Variants in ACBD3 observed in about 807,000 individuals in gnomAD.
The protein encoded by ACBD3 is acyl-CoA binding domain containing 3, also known as Golgi resident protein GCP60.
In ACBD3, 30 loss-of-function variants were observed where a neutral mutation model predicts 66.9. The observed-to-expected ratio is 0.45, with a 90% confidence interval of 0.34 to 0.61. ACBD3 has a LOEUF of 0.61. Among genes scored for constraint, ACBD3 ranks in the 20% least tolerant of loss-of-function variants. ACBD3 has a pLI of 0.02. For synonymous variants in ACBD3, 278 were observed against 259.8 expected (o/e 1.07, Z -0.68); for missense variants, 544 against 664.5 (o/e 0.82, Z 1.99).
chr1:226,176,703 T>A (rs528305044), intron 1 of ACBD3, among the ~76,000 whole-genome samples: 2 of 151,686 alleles, frequency 1.3e-5, no homozygotes, highest in East Asian at 3.9e-4. Context: ...GAAATTATTA[T>A]CATAAAAACT....
chr1:226,166,697 G>A (rs1352767972), intron 1 of ACBD3, among the ~76,000 whole-genome samples: 1 of 152,046 alleles, frequency 6.6e-6, no homozygotes, highest in Non-Finnish European at 1.5e-5. Flanking sequence ...ATGTTGCCCA[G>A]GCTGGTCTCG....
At chr1:226,169,270 CAG>C (rs1362604476) in intron 1 of ACBD3, among the ~76,000 whole-genome samples, 4 of 151,524 alleles carry the variant, frequency 2.6e-5, no homozygotes, top group African/African-American at 7.3e-5. Flanking sequence ...TTTCTCGAGA[CAG>C]AGTCTCGCTC....
chr1:226,178,773 A>G (rs1010613332), intron 1 of ACBD3, among the ~76,000 whole-genome samples: 10 of 152,142 alleles, frequency 6.6e-5, no homozygotes, highest in Non-Finnish European at 1.5e-4. Context: ...ATTGAATTGC[A>G]AACTAAATCT....
At chr1:226,160,041 C>G (rs1659742539) in intron 4 of ACBD3, among the ~76,000 whole-genome samples, 1 of 151,592 alleles carries the variant, frequency 6.6e-6, no homozygotes, top group Non-Finnish European at 1.5e-5. Context: ...AATATCTTGG[C>G]ATGCTTAGTT....
chr1:226,172,859 G>A (rs1477382589), intron 1 of ACBD3, among the ~76,000 whole-genome samples: 1 of 152,180 alleles, frequency 6.6e-6, no homozygotes, highest in Non-Finnish European at 1.5e-5. Flanking sequence ...GGCTTCTCTG[G>A]AGGCTCAGGA....
In ACBD3 at chr1:226,154,733, T is replaced by C. The variant is rs1373058321; in HGVS notation, c.1004A>G (p.Asn335Ser). The change falls in exon 6 of 8, where the codon AAT becomes AGT. Residue 335 changes from asparagine to serine, a missense_variant. Physicochemically the swap from Asn to Ser is conservative, Grantham distance 46. Transcript: ENST00000366812. ...ATVPSNMMSV[N>S]GQAKTHTDSS... Reference sequence around the variant, plus strand: ...GTCAGTGTGTGTTTTGGCCTGTCCATTAACTGACATCATATTACTTGGTAC... The same window carrying C: ...GTCAGTGTGTGTTTTGGCCTGTCCACTAACTGACATCATATTACTTGGTAC... 10 of 1,613,884 alleles carry C rather than the reference T, an allele frequency of 6.2e-6. No individual in the cohort carries two copies. In the South Asian group the frequency reaches 1.1e-4, roughly 18 times the overall value.
At chr1:226,151,546 G>A (rs960999702) in intron 7 of ACBD3, among the ~76,000 whole-genome samples, 1 of 152,154 alleles carries the variant, frequency 6.6e-6, no homozygotes, top group Non-Finnish European at 1.5e-5. Flanking sequence ...TAGCAAAATA[G>A]GGATTTCCAA....
In ACBD3 at chr1:226,164,983, T is replaced by C. The variant is rs1040755297; in HGVS notation, c.429-54A>G. ...CCCCTTCTTAGTAGAATGAGAACTT[T>C]TAAATTTAAACCTAAATATGAATAA... On this transcript the variant is annotated intron_variant, in intron 2 of 7. Coordinates refer to ENST00000366812, the MANE Select transcript of ACBD3 (RefSeq NM_022735.4). 111 of 1,460,384 alleles carry C rather than the reference T, an allele frequency of 7.6e-5. No homozygotes were observed. The highest frequency in any genetic ancestry group is 9.9e-5 in the Non-Finnish European group (108 of 1,095,766). 90.5% of individuals were successfully genotyped at this position (1,460,384 alleles called of 1,614,324 possible).
Position 226,178,574 on chromosome 1 carries a change from C to CAAAAAAAAAAAAA in ACBD3, c.286+7803_286+7815dup, listed in dbSNP as rs57231361. 1.3e-4 allele frequency among the ~76,000 whole-genome samples: 11 copies of CAAAAAAAAAAAAA among 83,620 alleles called. 1 individual carries two copies. The highest frequency in any genetic ancestry group is 4.5e-4 in the South Asian group (1 of 2,212). The allele number at this position is 83,620 out of a possible 152,430, so 54.9% of individuals were successfully genotyped here. On this transcript the variant is annotated intron_variant, in intron 1 of 7. Transcript: ENST00000366812. ...TGGGCGACAGAGCAAGACTCCGTCT[C>CAAAAAAAAAAAAA]AAAAAAAAAAAAAAAAAAAGACTAT...
In ACBD3 at chr1:226,161,595, G is replaced by A; in HGVS notation, c.664C>T (p.Leu222Phe). ...EKRRREEEERLRREEEERRRI... is the reference protein window; with the variant it reads ...EKRRREEEERFRREEEERRRI... Reference sequence around the variant, plus strand: ...CTCCTTTCCTCTTCCTCCCGTCGAAGCCTTTCCTCTTCTTCTCTCCTACGT... The same window carrying A: ...CTCCTTTCCTCTTCCTCCCGTCGAAACCTTTCCTCTTCTTCTCTCCTACGT... The change falls in exon 4 of 8, where the codon CTT becomes TTT. Residue 222 changes from leucine to phenylalanine, a missense_variant. Leu to Phe is a conservative substitution (Grantham distance 22). Around this residue, in one of 3 missense-constraint regions of ACBD3, gnomAD observed 383 missense variants for 462.4 expected, o/e 0.83. Coordinates refer to ENST00000366812, the MANE Select transcript of ACBD3 (RefSeq NM_022735.4). The A allele has an allele frequency of 6.2e-7, 1 of 1,613,856 alleles. No individual in the cohort carries two copies. The highest frequency in any genetic ancestry group is 8.5e-7 in the Non-Finnish European group (1 of 1,179,972).
chr1:226,169,696 C>A (rs1397863369), intron 1 of ACBD3, among the ~76,000 whole-genome samples: 14 of 119,408 alleles, frequency 1.2e-4, no homozygotes, highest in African/African-American at 1.6e-4. Flanking sequence ...AGGCGTGAGC[C>A]GAGTTTTTGT....
At chr1:226,176,515 T>A (rs1403333896) in intron 1 of ACBD3, among the ~76,000 whole-genome samples, 1 of 150,080 alleles carries the variant, frequency 6.7e-6, no homozygotes, top group East Asian at 2.0e-4. Context: ...CAACAGGACC[T>A]ATCTCTAACC....
At chr1:226,147,856 C>A (rs1178238438) in intron 7 of ACBD3, 2 of 152,186 alleles carry the variant, frequency 1.3e-5, no homozygotes, top group Non-Finnish European at 2.9e-5. Flanking sequence ...CACAGTTTAA[C>A]ATATTTAATA....
At chr1:226,167,751 A>T (rs952485381) in intron 1 of ACBD3, among the ~76,000 whole-genome samples, 1 of 152,218 alleles carries the variant, frequency 6.6e-6, no homozygotes, top group Non-Finnish European at 1.5e-5. Flanking sequence ...AATAAGTGAG[A>T]AGAATATGGG....
chr1:226,186,502 G>A lies in ACBD3; in HGVS notation c.174C>T (p.Pro58=). The change falls in exon 1 of 8, where the codon CCC becomes CCT. Residue 58 remains proline (P), a synonymous_variant. Coordinates refer to ENST00000366812, the MANE Select transcript of ACBD3 (RefSeq NM_022735.4). ...CCCCAGCCGCCGCCTCCCCGGGCTC[G>A]GGCTGCTCCCCTGAGGCGCCCGGGC... The part of the protein sequence containing the change: ...GRGPGASGEQ[P]EPGEAAAGGA... The A allele has an allele frequency of 6.8e-7, 1 of 1,474,436 alleles. No individual in the cohort carries two copies. Among genetic ancestry groups the A allele is most frequent in the Non-Finnish European group, 9.0e-7 (1 of 1,115,878 alleles). The allele number at this position is 1,474,436 out of a possible 1,614,324, so 91.3% of individuals were successfully genotyped here.
chr1:226,185,460 C>A (rs550707321), intron 1 of ACBD3, among the ~76,000 whole-genome samples: 1 of 152,260 alleles, frequency 6.6e-6, no homozygotes, highest in African/African-American at 2.4e-5. Context: ...AACCTAGCAA[C>A]CACTTTTAAA....
In ACBD3 at chr1:226,146,814, G is replaced by A. The variant is rs146216214; in HGVS notation, c.1383C>T (p.Ile461=). 92 of 1,614,008 alleles carry A rather than the reference G, an allele frequency of 5.7e-5. No individual in the cohort carries two copies. Among genetic ancestry groups the A allele is most frequent in the African/African-American group, 2.0e-4 (15 of 75,026 alleles). Residue 461 remains isoleucine (I), a synonymous_variant, in exon 8 of 8, where the codon ATC becomes ATT. Coordinates refer to ENST00000366812, the MANE Select transcript of ACBD3 (RefSeq NM_022735.4). The part of the protein sequence containing the change: ...SDDDEEEEEN[I]GCEEKAKKNA... ...TCTTTTTGGCTTTCTCTTCACAACC[G>A]ATGTTTTCTGTAAGAACAGAGACAA...
chr1:226,183,981 G>A (rs1227614399), intron 1 of ACBD3, among the ~76,000 whole-genome samples: 2 of 151,032 alleles, frequency 1.3e-5, no homozygotes, highest in Non-Finnish European at 2.9e-5. Flanking sequence ...CACGAGGTCA[G>A]GAAATCGAGA....
chr1:226,166,963 A>AT (rs1189570210), intron 1 of ACBD3, among the ~76,000 whole-genome samples: 2 of 151,760 alleles, frequency 1.3e-5, no homozygotes, highest in Non-Finnish European at 2.9e-5. Flanking sequence ...CATCTGGTTA[A>AT]TTTTTTACTT....
Sources: gnomAD v4.1 joint callset for allele counts (sites outside exome capture counted in the v4.1 genomes callset) on GRCh38, gnomAD v4.1.1 for gene constraint, gnomAD v4.1.1 regional missense constraint, MANE v1.5 for transcripts, NCBI Gene and HGNC (gene_info 2026-07-23, HGNC 2026-07-21) for gene names.